PLEKHM3: variants seen among roughly 807,000 people sequenced by gnomAD.
The protein encoded by PLEKHM3 is pleckstrin homology domain containing M3.
PLEKHM3 carries 45 observed loss-of-function variants against 81.8 expected under a neutral mutation model. The observed-to-expected ratio is 0.55, with a 90% CI of 0.43 to 0.71. PLEKHM3 has a LOEUF of 0.71. Ranked by LOEUF, PLEKHM3 falls within the 30% of genes least tolerant of loss-of-function variation. The probability of loss-of-function intolerance (pLI) is 0.00; values close to 1 mark genes in which losing one functional copy is unlikely to be tolerated. For synonymous variants in PLEKHM3, 352 were observed against 356.4 expected (o/e 0.99, Z 0.14); for missense variants, 788 against 924.3 (o/e 0.85, Z 1.91).
chr2:208,001,737 A>C lies in PLEKHM3; in HGVS notation c.-98T>G, dbSNP rs1451579376. On this transcript the variant is annotated 5_prime_UTR_variant, in exon 2 of 8. It removes the in-frame stop codon of an upstream open reading frame in the 5' UTR. Transcript: ENST00000427836. Reference sequence around the variant, plus strand: ...AGAGGGGTGCTTCAGCAATAGAGCTATGGAAACAACTGGAAGAAACCTTCA... The same window carrying C: ...AGAGGGGTGCTTCAGCAATAGAGCTCTGGAAACAACTGGAAGAAACCTTCA... The C allele has an allele frequency of 1.3e-6, 2 of 1,507,042 alleles. No individual in the cohort carries two copies. The highest frequency in any genetic ancestry group is 2.8e-5 in the African/African-American group (2 of 71,596). 93.4% of individuals were successfully genotyped at this position (1,507,042 alleles called of 1,614,324 possible). A position where few individuals can be genotyped will look rare whatever the true frequency, so the allele number is the denominator to read the frequency against.
chr2:207,942,219 A>C (rs1329691250), intron 4 of PLEKHM3, among the ~76,000 whole-genome samples: 1 of 152,262 alleles, frequency 6.6e-6, no homozygotes, highest in Non-Finnish European at 1.5e-5. Context: ...TTATTCAGCC[A>C]TAAAAAAGAA....
chr2:207,985,987 CAAAAA>C (rs35964669), intron 2 of PLEKHM3, among the ~76,000 whole-genome samples: 1 of 120,880 alleles, frequency 8.3e-6, no homozygotes. Flanking sequence ...GACTCCGTCT[CAAAAA>C]AAAAAAAAAA....
chr2:207,953,445 G>A (rs932074497), intron 3 of PLEKHM3, among the ~76,000 whole-genome samples: 2 of 152,078 alleles, frequency 1.3e-5, no homozygotes, highest in African/African-American at 2.4e-5. Flanking sequence ...TTATAGCAGT[G>A]AGAGATTATA....
chr2:207,908,478 A>G, intron 6 of PLEKHM3, 36 bp downstream of exon 6: 4 of 1,578,886 alleles, frequency 2.5e-6, no homozygotes, highest in Non-Finnish European at 3.5e-6. Flanking sequence ...TCTCCAGGAA[A>G]GCAACAAAAA....
intron 3 of PLEKHM3, among the ~76,000 whole-genome samples, chr2:207,958,999 G>A (rs1439316636): frequency 3.9e-5 from 6 of 151,974 alleles, no homozygotes; most frequent in Non-Finnish European, 5.9e-5. Context: ...ATTAGAACCC[G>A]AGACAAAAGG....
At chr2:208,002,445 G>T (rs1483078024) in intron 1 of PLEKHM3, among the ~76,000 whole-genome samples, 6 of 152,136 alleles carry the variant, frequency 3.9e-5, no homozygotes, top group African/African-American at 1.2e-4. Flanking sequence ...ATCCAAATGT[G>T]ACTGTGCTTG....
At chr2:207,954,962 A>G (rs919110567) in intron 3 of PLEKHM3, among the ~76,000 whole-genome samples, 8 of 152,240 alleles carry the variant, frequency 5.3e-5, no homozygotes, top group Non-Finnish European at 1.2e-4. Flanking sequence ...TTGGTCTTTC[A>G]GGTAAACAAT....
intron 5 of PLEKHM3, among the ~76,000 whole-genome samples, chr2:207,916,094 G>A (rs1413338681): frequency 6.6e-6 from 1 of 152,160 alleles, no homozygotes; most frequent in Non-Finnish European, 1.5e-5. Flanking sequence ...AGCCCATGTG[G>A]AAGAAACAAG....
intron 5 of PLEKHM3, among the ~76,000 whole-genome samples, chr2:207,917,875 A>T (rs1689047162): frequency 6.6e-6 from 1 of 152,122 alleles, no homozygotes; most frequent in African/African-American, 2.4e-5. Flanking sequence ...ACATGTTCTT[A>T]ATAAACTGCC....
chr2:207,833,515 A>G (rs1046396700), intron 7 of PLEKHM3, among the ~76,000 whole-genome samples: 5 of 151,922 alleles, frequency 3.3e-5, no homozygotes, highest in Admixed American at 6.6e-5. Flanking sequence ...TCTTGAAAAC[A>G]TTCATTGCTT....
At chr2:207,960,861 C>T (rs7609299) in intron 3 of PLEKHM3, among the ~76,000 whole-genome samples, 3,746 of 152,282 alleles carry the variant, frequency 0.025, 158 homozygotes, top group African/African-American at 0.084. Flanking sequence ...GGCCATAAGA[C>T]GACTTCTCTT....
intron 2 of PLEKHM3, among the ~76,000 whole-genome samples, chr2:208,000,459 A>C (rs1692258994): frequency 6.6e-6 from 1 of 151,848 alleles, no homozygotes; most frequent in African/African-American, 2.4e-5. Context: ...ACTGCCATTC[A>C]CTCTTATATG....
intron 7 of PLEKHM3, among the ~76,000 whole-genome samples, chr2:207,836,993 C>A (rs577061466): frequency 1.4e-5 from 2 of 145,162 alleles, no homozygotes; most frequent in African/African-American, 2.4e-5. Flanking sequence ...TGCGGCTTTG[C>A]GTATGGCTAC....
intron 7 of PLEKHM3, among the ~76,000 whole-genome samples, chr2:207,852,271 G>A (rs906043417): frequency 1.3e-5 from 2 of 152,164 alleles, no homozygotes; most frequent in Non-Finnish European, 2.9e-5. Flanking sequence ...CTAGGGCCAC[G>A]TTAATTGCCT....
intron 1 of PLEKHM3, among the ~76,000 whole-genome samples, chr2:208,015,892 G>C (rs1343237787): frequency 6.6e-6 from 1 of 152,104 alleles, no homozygotes; most frequent in Admixed American, 6.5e-5. Flanking sequence ...GATGATTAAG[G>C]CATATTGAAA....
At chr2:207,923,906 T>TATATATATATATATATATA (rs1491270678) in intron 5 of PLEKHM3, among the ~76,000 whole-genome samples, 2 of 59,726 alleles carry the variant, frequency 3.3e-5, no homozygotes, top group African/African-American at 1.7e-4. Context: ...TATATATATA[T>TATATATATATATATATATA]TTTTTTTTTT....
At chr2:207,997,327 C>T (rs569985475) in intron 2 of PLEKHM3, among the ~76,000 whole-genome samples, 16 of 152,224 alleles carry the variant, frequency 1.1e-4, no homozygotes, top group African/African-American at 2.6e-4. Context: ...AGACAGAAGA[C>T]GCAGAGGCCC....
chr2:207,904,401 G>T (rs1688538944), intron 6 of PLEKHM3, among the ~76,000 whole-genome samples: 1 of 152,090 alleles, frequency 6.6e-6, no homozygotes, highest in Non-Finnish European at 1.5e-5. Context: ...CTGCTACTAG[G>T]CCAGGTTTAC....
chr2:208,021,261 G>C (rs1693120997), intron 1 of PLEKHM3, among the ~76,000 whole-genome samples: 1 of 152,108 alleles, frequency 6.6e-6, no homozygotes, highest in Admixed American at 6.5e-5. Flanking sequence ...TTTTCCACTA[G>C]TATAATTAAC....
Sources: allele counts gnomAD v4.1 joint callset (sites outside exome capture counted in the v4.1 genomes callset), GRCh38; gene constraint gnomAD v4.1.1; transcripts MANE v1.5; gene names NCBI Gene and HGNC (gene_info 2026-07-23, HGNC 2026-07-21).